MYRIP: variants seen among roughly 807,000 people sequenced by gnomAD.
The protein encoded by MYRIP is myosin VIIA and Rab interacting protein.
In MYRIP, 49 loss-of-function variants were observed where a neutral mutation model predicts 98.0. The ratio of observed to expected loss-of-function variants is 0.50; its 90% confidence interval spans 0.40 to 0.63. The LOEUF is 0.63. MYRIP is among the 30% of genes least tolerant of loss of function. The pLI, the probability that MYRIP is intolerant of heterozygous loss-of-function variation, is 0.00. For missense variants in MYRIP, 1,004 were observed against 1,058.2 expected (o/e 0.95, Z 0.71); for synonymous variants, 404 against 409.5 (o/e 0.99, Z 0.16).
chr3:40,067,924 C>A lies in MYRIP; in HGVS notation c.332+23653C>A, dbSNP rs9868236. Among the ~76,000 whole-genome samples the A allele has an allele frequency of 6.8e-3, 1,038 of 152,216 alleles. 16 individuals carry two copies. Among genetic ancestry groups the A allele is most frequent in the African/African-American group, 0.024 (989 of 41,552 alleles). ...AATGGTAATGTCTTCTTTTTACTAC[C>A]ATTTTACATAAATACATCAACTCCT... On this transcript the variant is annotated intron_variant, in intron 3 of 16. Coordinates refer to ENST00000302541, the MANE Select transcript of MYRIP (RefSeq NM_015460.4).
At chr3:40,169,848 T>C (rs1950574315) in intron 7 of MYRIP, 102 bp from the exon 8 acceptor site, 1 of 1,417,514 alleles carries the variant, frequency 7.1e-7, no homozygotes, top group Non-Finnish European at 9.8e-7. Context: ...AAATTAAGCT[T>C]ATAAGTGGCT....
chr3:39,921,961 C>G (rs1944313960), intron 2 of MYRIP, among the ~76,000 whole-genome samples: 1 of 150,728 alleles, frequency 6.6e-6, no homozygotes, highest in African/African-American at 2.4e-5. Context: ...TACTTTTTTC[C>G]ATTCTTCTCA....
At chr3:39,997,943 A>T (rs1317548151) in intron 2 of MYRIP, among the ~76,000 whole-genome samples, 1 of 152,204 alleles carries the variant, frequency 6.6e-6, no homozygotes, top group East Asian at 1.9e-4. Context: ...CCACATAATT[A>T]TCTCAATAAA....
intron 3 of MYRIP, among the ~76,000 whole-genome samples, chr3:40,125,204 C>G (rs1949499558): frequency 6.6e-6 from 1 of 152,162 alleles, no homozygotes; most frequent in Non-Finnish European, 1.5e-5. Context: ...ATAGAGTTCT[C>G]TAGAGGGACA....
chr3:39,958,138 C>G (rs1405262599), intron 2 of MYRIP, among the ~76,000 whole-genome samples: 1 of 152,196 alleles, frequency 6.6e-6, no homozygotes, highest in Non-Finnish European at 1.5e-5. Context: ...CCATCCCTAT[C>G]AAGCTACCAA....
chr3:40,229,538 C>A (rs551903002), intron 11 of MYRIP, among the ~76,000 whole-genome samples: 4 of 152,324 alleles, frequency 2.6e-5, no homozygotes, highest in African/African-American at 9.6e-5. Context: ...CCTGTCTTCA[C>A]GGAGGTTGAC....
At chr3:40,106,135 A>G (rs1453591329) in intron 3 of MYRIP, among the ~76,000 whole-genome samples, 1 of 152,166 alleles carries the variant, frequency 6.6e-6, no homozygotes, top group Non-Finnish European at 1.5e-5. Flanking sequence ...GTTATAATAT[A>G]TATTTGTATA....
chr3:40,193,822 T>C (rs540044538), intron 10 of MYRIP, among the ~76,000 whole-genome samples: 24 of 152,356 alleles, frequency 1.6e-4, no homozygotes, highest in African/African-American at 5.5e-4. Flanking sequence ...TTTTCCTGTG[T>C]TTAAAGCTAT....
chr3:40,217,246 A>C (rs1472006384), intron 11 of MYRIP, among the ~76,000 whole-genome samples: 2 of 152,172 alleles, frequency 1.3e-5, no homozygotes, highest in African/African-American at 4.8e-5. Flanking sequence ...AAAGCATCCC[A>C]GTTCTGAGTC....
At chr3:39,865,121 C>A (rs1226953105) in intron 1 of MYRIP, among the ~76,000 whole-genome samples, 1 of 152,076 alleles carries the variant, frequency 6.6e-6, no homozygotes, top group Non-Finnish European at 1.5e-5. Context: ...TGAAGGTGGA[C>A]CCCTTCCTTA....
chr3:40,182,432 C>A, intron 9 of MYRIP, 59 bp downstream of exon 9: 1 of 1,551,102 alleles, frequency 6.4e-7, no homozygotes, highest in Non-Finnish European at 8.7e-7. Flanking sequence ...GGTTTGGAGA[C>A]ATCTTGGCTA....
At chr3:40,248,138 G>A (rs1410312481) in intron 13 of MYRIP, 1 of 152,268 alleles carries the variant, frequency 6.6e-6, no homozygotes, top group East Asian at 1.9e-4. Flanking sequence ...GCTAAATTGT[G>A]TTCTTGGTAA....
At chr3:39,969,477 CT>C (rs1945523188) in intron 2 of MYRIP, among the ~76,000 whole-genome samples, 1 of 151,804 alleles carries the variant, frequency 6.6e-6, no homozygotes. Flanking sequence ...ATGGTTCTTA[CT>C]GTTTTGAGGT....
chr3:40,058,892 T>G (rs1947940817), intron 3 of MYRIP, among the ~76,000 whole-genome samples: 1 of 152,128 alleles, frequency 6.6e-6, no homozygotes. Context: ...CATCAACCCG[T>G]CATCTACATT....
chr3:39,939,143 C>A (rs1293506642), intron 2 of MYRIP, among the ~76,000 whole-genome samples: 1 of 152,144 alleles, frequency 6.6e-6, no homozygotes, highest in Admixed American at 6.6e-5. Context: ...CCAAATCTCA[C>A]TTTGGCTTCA....
At chr3:39,979,940 A>G (rs576655475) in intron 2 of MYRIP, among the ~76,000 whole-genome samples, 3 of 152,376 alleles carry the variant, frequency 2.0e-5, no homozygotes, top group African/African-American at 7.2e-5. Flanking sequence ...AGTGAATACT[A>G]GTCCCTATGG....
chr3:40,163,097 A>G (rs980499021), intron 5 of MYRIP: 1 of 293,264 alleles, frequency 3.4e-6, no homozygotes, highest in African/African-American at 2.2e-5. Context: ...CATATCAATC[A>G]ATCCACTCAC....
intron 3 of MYRIP, among the ~76,000 whole-genome samples, chr3:40,143,735 A>G (rs1241099986): frequency 6.6e-6 from 1 of 152,232 alleles, no homozygotes; most frequent in African/African-American, 2.4e-5. Context: ...TTATGGAATA[A>G]TTAAATCAAG....
intron 3 of MYRIP, among the ~76,000 whole-genome samples, chr3:40,085,690 A>T (rs962087417): frequency 1.3e-5 from 2 of 152,210 alleles, no homozygotes; most frequent in African/African-American, 4.8e-5. Flanking sequence ...CTTAGGAATT[A>T]GTGGGTAAGG....
Sources: allele counts gnomAD v4.1 joint callset (sites outside exome capture counted in the v4.1 genomes callset), GRCh38; gene constraint gnomAD v4.1.1; transcripts MANE v1.5; gene names NCBI Gene and HGNC (gene_info 2026-07-23, HGNC 2026-07-21).